Variants in CDH23 observed in about 807,000 individuals in gnomAD.
CDH23 encodes the protein cadherin-23.
In CDH23, 189 loss-of-function variants were observed where a neutral mutation model predicts 317.1. The ratio of observed to expected loss-of-function variants is 0.60; its 90% CI spans 0.53 to 0.67. The LOEUF is 0.67. CDH23 is among the 30% of genes least tolerant of loss of function. CDH23 has a pLI of 0.00. For missense variants in CDH23, 4,401 were observed against 4,592.4 expected (o/e 0.96, Z 1.20); for synonymous variants, 1,839 against 1,876.8 (o/e 0.98, Z 0.52).
intron 38 of CDH23, among the ~76,000 whole-genome samples, chr10:71,763,396 C>T (rs557864558): frequency 6.6e-6 from 1 of 152,364 alleles, no homozygotes; most frequent in Non-Finnish European, 1.5e-5. Flanking sequence ...AGAATCCAAA[C>T]TGATACATCC....
chr10:71,694,232 C>T lies in CDH23; in HGVS notation c.2262C>T (p.Gly754=), dbSNP rs1311743822. 7 of 1,612,864 alleles carry T rather than the reference C, an allele frequency of 4.3e-6. No homozygotes were observed. Among genetic ancestry groups the T allele is most frequent in the Non-Finnish European group, 5.9e-6 (7 of 1,179,438 alleles). Residue 754 remains glycine, a synonymous_variant, in exon 21 of 70, where the codon GGC becomes GGT. Coordinates refer to ENST00000224721, the MANE Select transcript of CDH23 (RefSeq NM_022124.6). ...TTCGCGCAGTGGACGGGGGTGTGGG[C>T]CACAACCAGAAAACTGGCATCGCCA... is the stretch of plus-strand genomic sequence containing the variant. ...LIVRAVDGGV[G]HNQKTGIATV...
chr10:71,673,491 C>T (rs1864232380), intron 14 of CDH23, among the ~76,000 whole-genome samples: 1 of 152,218 alleles, frequency 6.6e-6, no homozygotes, highest in Non-Finnish European at 1.5e-5. Context: ...TCTCCTCCGT[C>T]CCTGTAAAAT....
chr10:71,417,905 A>G (rs1415599576), intron 1 of CDH23, among the ~76,000 whole-genome samples: 3 of 152,236 alleles, frequency 2.0e-5, no homozygotes, highest in African/African-American at 7.2e-5. Context: ...CACTGCACCC[A>G]GCTCATTCCA....
At chr10:71,629,657 A>G (rs1861911328) in intron 11 of CDH23, among the ~76,000 whole-genome samples, 2 of 152,212 alleles carry the variant, frequency 1.3e-5, no homozygotes, top group Admixed American at 1.3e-4. Context: ...GTGGGCCATT[A>G]TTCAGCCATT....
rs995094571 is a variant in CDH23, at chr10:71,798,504, T to A, written c.6980T>A (p.Leu2327His). Residue 2327 changes from leucine to histidine, a missense_variant, in exon 50 of 70, where the codon CTT becomes CAT. Coordinates refer to ENST00000224721, the MANE Select transcript of CDH23 (RefSeq NM_022124.6). ...AVAAVDPDKG[L>H]NGLVTYTLLD... is the part of the protein sequence containing the mutation. ...GCAGCCGTGGACCCTGACAAGGGCC[T>A]TAATGGGCTGGTCACCTACACCCTG... 20 of 1,613,850 alleles carry A rather than the reference T, an allele frequency of 1.2e-5. No homozygotes were observed. The highest frequency in any genetic ancestry group is 1.4e-5 in the Non-Finnish European group (16 of 1,179,860).
chr10:71,651,578 A>C (rs1481693084), intron 14 of CDH23, among the ~76,000 whole-genome samples: 3 of 147,742 alleles, frequency 2.0e-5, no homozygotes, highest in Non-Finnish European at 4.5e-5. Flanking sequence ...CCACTGGAGG[A>C]GAGAACAGCA....
chr10:71,702,409 C>A, intron 23 of CDH23, 140 bp from the exon 24 acceptor site: 4 of 1,207,772 alleles, frequency 3.3e-6, no homozygotes, highest in Non-Finnish European at 4.8e-6. Flanking sequence ...AGCTGTGAGG[C>A]CTAGGCTGCT....
At chr10:71,707,496 G>A (rs1275685857) in intron 26 of CDH23, 7 of 1,083,274 alleles carry the variant, frequency 6.5e-6, no homozygotes, top group Non-Finnish European at 6.7e-6. Context: ...AAATGAAATG[G>A]TTTTAGCTCA....
chr10:71,811,248 C>T, intron 62 of CDH23, 67 bp from the exon 63 acceptor site: 2 of 1,610,712 alleles, frequency 1.2e-6, no homozygotes, highest in Non-Finnish European at 1.7e-6. Context: ...GAGGCAGGAG[C>T]AGAGCAGACT....
rs566566180 is a variant in CDH23, at chr10:71,734,372, G to A, written c.4206+31G>A. 6.3e-6 allele frequency: 10 copies of A among 1,579,734 alleles called. No homozygotes were observed. The South Asian group carries it at 1.0e-4, about 16-fold the overall frequency. ...TGGGACCAGGGTGAGAGTCCCTCAG[G>A]TGCGGCCCATCGCTGGCCATGACAC... On this transcript the variant is annotated intron_variant, in intron 33 of 69. Coordinates refer to ENST00000224721, the MANE Select transcript of CDH23 (RefSeq NM_022124.6).
At chr10:71,500,682 G>C (rs915444930) in intron 3 of CDH23, among the ~76,000 whole-genome samples, 1 of 152,102 alleles carries the variant, frequency 6.6e-6, no homozygotes, top group African/African-American at 2.4e-5. Context: ...AAACCATGAG[G>C]GTTGTGGAAT....
chr10:71,797,063 G>A (rs1841423239), intron 48 of CDH23, 41 bp from the exon 49 acceptor site: 1 of 1,361,320 alleles, frequency 7.3e-7, no homozygotes. Flanking sequence ...AGATTTTAGG[G>A]GGTTCTTCTC....
intron 11 of CDH23, among the ~76,000 whole-genome samples, chr10:71,634,227 C>A (rs1480745131): frequency 6.6e-6 from 1 of 152,244 alleles, no homozygotes; most frequent in Admixed American, 6.5e-5. Context: ...GCGGTGCTGC[C>A]CCTCAGGCCC....
chr10:71,458,753 AATTAAAGTAAG>A (rs1264258143), intron 3 of CDH23, among the ~76,000 whole-genome samples: 1 of 152,162 alleles, frequency 6.6e-6, no homozygotes, highest in Non-Finnish European at 1.5e-5. Context: ...ATTAAAGTAA[AATTAAAGTAAG>A]ATTAAAGTAA....
chr10:71,709,993 A>G (rs1200963967), intron 27 of CDH23, among the ~76,000 whole-genome samples: 1 of 152,142 alleles, frequency 6.6e-6, no homozygotes, highest in East Asian at 1.9e-4. Context: ...AAACCATCAG[A>G]TCTCATGAGA....
intron 1 of CDH23, among the ~76,000 whole-genome samples, chr10:71,425,908 G>A (rs1361034090): frequency 1.3e-5 from 2 of 152,240 alleles, no homozygotes; most frequent in Non-Finnish European, 2.9e-5. Flanking sequence ...AAGCTGCTGG[G>A]TTCTCAGCAT....
At chr10:71,466,830 C>T (rs1241893510) in intron 3 of CDH23, among the ~76,000 whole-genome samples, 1 of 151,964 alleles carries the variant, frequency 6.6e-6, no homozygotes, top group Non-Finnish European at 1.5e-5. Context: ...ATATTTGTAG[C>T]AACCCACATG....
intron 46 of CDH23, 69 bp downstream of exon 46, chr10:71,790,482 G>A: frequency 1.3e-6 from 2 of 1,571,046 alleles, no homozygotes; most frequent in African/African-American, 1.3e-5. Context: ...CTGCTGGATT[G>A]AGGGCCTCCC....
chr10:71,813,470 C>T, intron 69 of CDH23, 122 bp downstream of exon 69: 1 of 859,122 alleles, frequency 1.2e-6, no homozygotes, highest in Non-Finnish European at 1.9e-6. Flanking sequence ...CCAAAGACAG[C>T]AATGGGTGGG....
Sources: allele counts gnomAD v4.1 joint callset (sites outside exome capture counted in the v4.1 genomes callset), GRCh38; gene constraint gnomAD v4.1.1; transcripts MANE v1.5; gene names NCBI Gene and HGNC (gene_info 2026-07-23, HGNC 2026-07-21).